AGBL4: variants seen among roughly 807,000 people sequenced by gnomAD.
The protein encoded by AGBL4 is cytosolic carboxypeptidase 6.
A neutral mutation model predicts 66.4 loss-of-function variants in AGBL4; 58 were observed. The observed-to-expected ratio is 0.87, with a 90% CI of 0.71 to 1.09. AGBL4 has a LOEUF of 1.09. Ranked by LOEUF, AGBL4 falls within the 50% of genes least tolerant of loss-of-function variation. AGBL4 has a pLI of 0.00. For synonymous variants in AGBL4, 234 were observed against 222.9 expected (o/e 1.05, Z -0.44); for missense variants, 579 against 631.0 (o/e 0.92, Z 0.88).
chr1:49,984,236 T>G (rs1311454870), intron 1 of AGBL4, among the ~76,000 whole-genome samples: 1 of 152,240 alleles, frequency 6.6e-6, no homozygotes, highest in African/African-American at 2.4e-5. Context: ...TCTGACTAAC[T>G]GACTAACCAT....
intron 6 of AGBL4, among the ~76,000 whole-genome samples, chr1:48,838,368 A>G (rs939571534): frequency 1.8e-4 from 27 of 152,278 alleles, no homozygotes; most frequent in African/African-American, 5.5e-4. Flanking sequence ...CAGAATAGAA[A>G]ACCCAGAAAT....
intron 6 of AGBL4, among the ~76,000 whole-genome samples, chr1:48,771,272 T>C (rs912407982): frequency 6.6e-6 from 1 of 152,168 alleles, no homozygotes; most frequent in African/African-American, 2.4e-5. Context: ...ACAAAGCAGG[T>C]AGGCACACTA....
At chr1:48,625,125 CT>C (rs1645481675) in intron 9 of AGBL4, among the ~76,000 whole-genome samples, 1 of 144,854 alleles carries the variant, frequency 6.9e-6, no homozygotes, top group African/African-American at 2.5e-5. Flanking sequence ...TCCTTCCTTC[CT>C]TCCTTCCTTC....
At chr1:48,880,613 T>A (rs1370160781) in intron 5 of AGBL4, among the ~76,000 whole-genome samples, 2 of 152,152 alleles carry the variant, frequency 1.3e-5, no homozygotes, top group African/African-American at 4.8e-5. Flanking sequence ...GTTCACTGCA[T>A]CCATGCCAAC....
At chr1:49,819,589 C>T (rs770300730) in intron 2 of AGBL4, among the ~76,000 whole-genome samples, 7 of 152,136 alleles carry the variant, frequency 4.6e-5, no homozygotes, top group Non-Finnish European at 8.8e-5. Flanking sequence ...ATAAATGCCA[C>T]ACTAACAATG....
chr1:48,995,853 G>C (rs1660957539), intron 5 of AGBL4, among the ~76,000 whole-genome samples: 1 of 152,188 alleles, frequency 6.6e-6, no homozygotes, highest in African/African-American at 2.4e-5. Context: ...ATTTGAATAG[G>C]AATGGAAGCC....
chr1:49,703,800 T>C (rs1647148215), intron 2 of AGBL4, among the ~76,000 whole-genome samples: 1 of 151,964 alleles, frequency 6.6e-6, no homozygotes, highest in Admixed American at 6.6e-5. Flanking sequence ...CAGATGAGAG[T>C]GTTATTTACA....
chr1:49,893,229 C>T lies in AGBL4; in HGVS notation c.35-41711G>A, dbSNP rs373710989. Reference sequence around the variant, plus strand: ...GGCAGCAGAGTATACTGGAAAAAGCCCTGATCTGGAACTAAGAAAACACAG... The same window carrying T: ...GGCAGCAGAGTATACTGGAAAAAGCTCTGATCTGGAACTAAGAAAACACAG... On this transcript the variant is annotated intron_variant, in intron 1 of 13. Transcript: ENST00000371839. 1.3e-4 allele frequency among the ~76,000 whole-genome samples: 20 copies of T among 152,222 alleles called. 1 individual carries two copies. The highest frequency in any genetic ancestry group is 4.8e-4 in the African/African-American group (20 of 41,522).
intron 3 of AGBL4, among the ~76,000 whole-genome samples, chr1:49,252,260 CAATTGCAAGTATT>C (rs1204165101): frequency 6.6e-6 from 1 of 151,914 alleles, no homozygotes; most frequent in African/African-American, 2.4e-5. Context: ...TTTCATAATG[CAATTGCAAGTATT>C]AATAGCAGAA....
intron 4 of AGBL4, among the ~76,000 whole-genome samples, chr1:49,077,310 A>G (rs1473743636): frequency 6.6e-6 from 1 of 152,104 alleles, no homozygotes; most frequent in African/African-American, 2.4e-5. Context: ...TAATTCCCAT[A>G]TTGTAGCCTC....
intron 1 of AGBL4, among the ~76,000 whole-genome samples, chr1:50,018,514 C>A (rs1184906890): frequency 6.6e-6 from 1 of 152,048 alleles, no homozygotes; most frequent in African/African-American, 2.4e-5. Flanking sequence ...TGAAATTTAA[C>A]AACTAATAAA....
At chr1:49,359,842 G>A (rs538581205) in intron 3 of AGBL4, among the ~76,000 whole-genome samples, 10 of 152,180 alleles carry the variant, frequency 6.6e-5, no homozygotes, top group Admixed American at 2.0e-4. Flanking sequence ...CTGGTATGCT[G>A]AAGGTAACCA....
At chr1:49,372,756 CTT>C (rs371136036) in intron 3 of AGBL4, among the ~76,000 whole-genome samples, 1 of 147,352 alleles carries the variant, frequency 6.8e-6, no homozygotes, top group Non-Finnish European at 1.5e-5. Context: ...CTCTCTCTCT[CTT>C]TCTTTTCTTT....
intron 1 of AGBL4, among the ~76,000 whole-genome samples, chr1:50,007,506 T>C (rs1310224643): frequency 6.6e-6 from 1 of 152,166 alleles, no homozygotes; most frequent in Non-Finnish European, 1.5e-5. Context: ...CTCACATCCA[T>C]AATCCTAGCA....
chr1:48,967,557 AC>A (rs1367325701), intron 5 of AGBL4, among the ~76,000 whole-genome samples: 14 of 152,294 alleles, frequency 9.2e-5, no homozygotes, highest in Admixed American at 2.0e-4. Context: ...TAGAGGATAT[AC>A]TTCGTACAGA....
At chr1:48,994,481 A>G (rs968634620) in intron 5 of AGBL4, among the ~76,000 whole-genome samples, 4 of 152,112 alleles carry the variant, frequency 2.6e-5, no homozygotes. Context: ...TCTTGTTTGG[A>G]GGTGTTATCC....
At chr1:48,930,783 G>A (rs1288685235) in intron 5 of AGBL4, among the ~76,000 whole-genome samples, 1 of 152,116 alleles carries the variant, frequency 6.6e-6, no homozygotes, top group African/African-American at 2.4e-5. Context: ...AACAGAAATG[G>A]AAGTACATGG....
chr1:49,065,087 AG>A (rs1644468020), intron 4 of AGBL4, among the ~76,000 whole-genome samples: 2 of 152,350 alleles, frequency 1.3e-5, no homozygotes, highest in South Asian at 4.1e-4. Flanking sequence ...GGAGTAACTC[AG>A]ACATTCAATT....
intron 2 of AGBL4, among the ~76,000 whole-genome samples, chr1:49,732,803 A>T (rs1428190263): frequency 6.6e-6 from 1 of 152,188 alleles, no homozygotes; most frequent in Non-Finnish European, 1.5e-5. Flanking sequence ...TGTGTGTAAT[A>T]GTATTTACCC....
Sources: allele counts gnomAD v4.1 joint callset (sites outside exome capture counted in the v4.1 genomes callset), GRCh38; gene constraint gnomAD v4.1.1; transcripts MANE v1.5; gene names NCBI Gene and HGNC (gene_info 2026-07-23, HGNC 2026-07-21).